The following TP73 variants were observed in gnomAD, a reference collection of about 807,000 sequenced individuals.
TP73 encodes tumor protein p73, also known as p53-like transcription factor.
A neutral mutation model predicts 62.5 loss-of-function variants in TP73; 25 were observed. The observed-to-expected ratio is 0.40, with a 90% confidence interval of 0.29 to 0.56. TP73 has a LOEUF of 0.56. TP73 is among the 20% of genes least tolerant of loss of function. TP73 has a pLI of 0.46. For synonymous variants in TP73, 423 were observed against 377.5 expected (o/e 1.12, Z -1.40); for missense variants, 754 against 913.3 (o/e 0.83, Z 2.25).
At chr1:3,702,712 C>T (rs543038995) in intron 3 of TP73, among the ~76,000 whole-genome samples, 5 of 152,344 alleles carry the variant, frequency 3.3e-5, no homozygotes, top group South Asian at 4.1e-4. Flanking sequence ...CTGGCTCCCG[C>T]GCACTCCTTG....
chr1:3,674,267 C>T (rs559739085), intron 1 of TP73, among the ~76,000 whole-genome samples: 1 of 152,340 alleles, frequency 6.6e-6, no homozygotes, highest in East Asian at 1.9e-4. Context: ...GGGCATCTGC[C>T]TCCCCTCCCC....
chr1:3,715,793 C>T (rs1301402634), intron 4 of TP73, among the ~76,000 whole-genome samples: 1 of 152,104 alleles, frequency 6.6e-6, no homozygotes, highest in African/African-American at 2.4e-5. Flanking sequence ...ACCCCTGGGC[C>T]TTCACTATGC....
Position 3,701,282 on chromosome 1 carries a change from C to G in TP73, c.187-6267C>G, listed in dbSNP as rs549590062. On this transcript the variant is annotated intron_variant, in intron 3 of 13. Coordinates refer to ENST00000378295, the MANE Select transcript of TP73 (RefSeq NM_005427.4). This position sits in a 1 kb window ranked among gnomAD's most constrained non-coding sequence, Gnocchi z 4.7. The stretch of plus-strand genomic sequence containing the variant: ...AGCGACTGTCCTCTGCGTAGTGAAT[C>G]TGGATTCCCGTCCCTGTTCCTCGGC... 2.0e-5 allele frequency among the ~76,000 whole-genome samples: 3 copies of G among 152,094 alleles called. No homozygotes were observed. Among genetic ancestry groups the G allele is most frequent in the Admixed American group, 6.5e-5 (1 of 15,282 alleles).
chr1:3,713,835 G>A (rs1044396279), intron 4 of TP73, among the ~76,000 whole-genome samples: 2 of 152,210 alleles, frequency 1.3e-5, no homozygotes, highest in Non-Finnish European at 2.9e-5. Context: ...TCCACAGCCA[G>A]GGGTTACGAT....
At chr1:3,664,167 C>T (rs374168142) in intron 1 of TP73, among the ~76,000 whole-genome samples, 6 of 152,244 alleles carry the variant, frequency 3.9e-5, no homozygotes, top group Admixed American at 6.5e-5. Flanking sequence ...CCCTGGGCAT[C>T]GCGACTCCTA....
At chr1:3,707,895 C>A in intron 4 of TP73, 104 bp downstream of exon 4, 2 of 1,479,294 alleles carry the variant, frequency 1.4e-6, no homozygotes, top group South Asian at 1.3e-5. Context: ...GCCCCACTGT[C>A]TGCTCGGGGT....
intron 4 of TP73, among the ~76,000 whole-genome samples, chr1:3,719,407 T>C (rs1316445467): frequency 6.6e-6 from 1 of 152,168 alleles, no homozygotes; most frequent in African/African-American, 2.4e-5. Context: ...TGTGTTCCTC[T>C]CCCCTGCTCG....
Position 3,733,452 on chromosome 1 carries a change from G to A in TP73, c.*373G>A, listed in dbSNP as rs376635414. On this transcript the variant is annotated 3_prime_UTR_variant, in exon 14 of 14. Transcript: ENST00000378295. ...AGAGACTGTCATCTCCCAACCAGGCGAGGTCCTTCCAAAGGAAAGGATCCT... is the reference window on the plus strand; with the variant it reads ...AGAGACTGTCATCTCCCAACCAGGCAAGGTCCTTCCAAAGGAAAGGATCCT... 8.7e-4 allele frequency: 267 copies of A among 308,224 alleles called. 7 individuals carry two copies. The South Asian group carries it at 0.016, about 19-fold the overall frequency. 19.1% of individuals were successfully genotyped at this position (308,224 alleles called of 1,614,324 possible). A position where few individuals can be genotyped will look rare whatever the true frequency, so the allele number is the denominator to read the frequency against.
chr1:3,710,063 TGGGCTGGTCTGCTCAGACCAGGCATCCC>T (rs1447729865), intron 4 of TP73, among the ~76,000 whole-genome samples: 1 of 151,934 alleles, frequency 6.6e-6, no homozygotes, highest in Non-Finnish European at 1.5e-5. Flanking sequence ...CCCTGTGGGA[TGGGCTGGTCTGCTCAGACCAGGCATCCC>T]GGGCTGGTCA....
intron 4 of TP73, among the ~76,000 whole-genome samples, chr1:3,710,997 G>A (rs1363876430): frequency 6.6e-6 from 1 of 152,194 alleles, no homozygotes; most frequent in Non-Finnish European, 1.5e-5. Flanking sequence ...CCAGTGACAG[G>A]GCAAGGCCGG....
chr1:3,677,949 C>T (rs1443319972), intron 1 of TP73, among the ~76,000 whole-genome samples: 1 of 152,168 alleles, frequency 6.6e-6, no homozygotes, highest in African/African-American at 2.4e-5. Context: ...AAGTAATCCT[C>T]CCTCCTTGGC....
At chr1:3,683,430 T>A (rs188109681) in intron 3 of TP73, among the ~76,000 whole-genome samples, 6 of 152,060 alleles carry the variant, frequency 3.9e-5, no homozygotes, top group African/African-American at 1.4e-4. Flanking sequence ...CATGGCTAGA[T>A]CCAGGTGTAG....
chr1:3,683,095 C>T lies in TP73; in HGVS notation c.101C>T (p.Ser34Leu). The T allele has an allele frequency of 1.2e-6, 2 of 1,611,850 alleles. No individual in the cohort carries two copies. Among genetic ancestry groups the T allele is most frequent in the Non-Finnish European group, 1.7e-6 (2 of 1,178,382 alleles). Residue 34 changes from serine to leucine, a missense_variant, in exon 3 of 14, where the codon TCA becomes TTA. Around this residue, in one of 3 missense-constraint regions of TP73, gnomAD observed 235 missense variants for 251.4 expected, o/e 0.93. Coordinates refer to ENST00000378295, the MANE Select transcript of TP73 (RefSeq NM_005427.4). ...PDSTYFDLPQ[S>L]SRGNNEVVGG... ...AGCACCTACTTCGACCTTCCCCAGT[C>T]AAGCCGGGGGAATAATGAGGTGGTG...
In TP73 at chr1:3,731,363, G is replaced by A. The variant is rs1036083837; in HGVS notation, c.1485-100G>A. 85 of 1,229,514 alleles carry A rather than the reference G, an allele frequency of 6.9e-5. No individual in the cohort carries two copies. In the Admixed American group the frequency reaches 7.7e-4, roughly 11 times the overall value. 76.2% of individuals were successfully genotyped at this position (1,229,514 alleles called of 1,614,324 possible). A position where few individuals can be genotyped will look rare whatever the true frequency, so the allele number is the denominator to read the frequency against. On this transcript the variant is annotated intron_variant, in intron 12 of 13. Transcript: ENST00000378295. The stretch of plus-strand genomic sequence containing the variant: ...GCTGGAGCCACCCTTCGGAGACAGC[G>A]GCAGTCTCCGCCCCAGCCAGGCCAC...
chr1:3,729,489 A>G lies in TP73; in HGVS notation c.1196+41A>G, dbSNP rs780711748. 28 of 1,611,092 alleles carry G rather than the reference A, an allele frequency of 1.7e-5. No homozygotes were observed. The Admixed American group carries it at 4.3e-4, about 25-fold the overall frequency. On this transcript the variant is annotated intron_variant, in intron 10 of 13. Coordinates refer to ENST00000378295, the MANE Select transcript of TP73 (RefSeq NM_005427.4). ...CCCACCATCAGTGTGGGGAAGGAGG[A>G]CATGGCTTAACCCCCCAGGAGAAGG...
rs369031901 is a variant in TP73 at position 3,727,977 on chromosome 1, G to A, written c.986-152G>A. 44 of 1,128,606 alleles carry A rather than the reference G, an allele frequency of 3.9e-5. No individual in the cohort carries two copies. The South Asian group carries it at 5.3e-4, about 14-fold the overall frequency. 69.9% of individuals were successfully genotyped at this position (1,128,606 alleles called of 1,614,324 possible). The stretch of plus-strand genomic sequence containing the variant: ...GCACCTCAGAGGCCTGGGTGGCACC[G>A]CAGGTTTGCCCGTCCCTGTGGGTTG... On this transcript the variant is annotated intron_variant, in intron 8 of 13. Coordinates refer to ENST00000378295, the MANE Select transcript of TP73 (RefSeq NM_005427.4).
chr1:3,674,694 CT>C (rs1180754301), intron 1 of TP73, among the ~76,000 whole-genome samples: 1 of 152,226 alleles, frequency 6.6e-6, no homozygotes, highest in Non-Finnish European at 1.5e-5. Flanking sequence ...CGGGGGACCC[CT>C]GTCCTTGGCC....
rs145238802 is a variant in TP73, at chr1:3,722,161, C to T, written c.570C>T (p.Val190=). The T allele has an allele frequency of 4.3e-5, 69 of 1,612,610 alleles. No individual in the cohort carries two copies. Among genetic ancestry groups the T allele is most frequent in the African/African-American group, 4.1e-4 (31 of 74,944 alleles). The change falls in exon 5 of 14, where the codon GTC becomes GTT. Residue 190 remains valine (V), a synonymous_variant. Coordinates refer to ENST00000378295, the MANE Select transcript of TP73 (RefSeq NM_005427.4). ...VYKKAEHVTD[V]VKRCPNHELG... is the part of the protein sequence containing the mutation. ...AGAAAGCGGAGCACGTGACCGACGT[C>T]GTGAAACGCTGCCCCAACCACGAGC...
intron 9 of TP73, among the ~76,000 whole-genome samples, chr1:3,728,564 A>T (rs1392707377): frequency 1.3e-5 from 2 of 152,246 alleles, no homozygotes; most frequent in Non-Finnish European, 2.9e-5. Context: ...ACCCGTGGCC[A>T]CGGCCAGCCC....
Sources: allele counts gnomAD v4.1 joint callset (sites outside exome capture counted in the v4.1 genomes callset), GRCh38; gene constraint gnomAD v4.1.1; regional missense constraint gnomAD v4.1.1; non-coding constraint Gnocchi (gnomAD v3.1); transcripts MANE v1.5; gene names NCBI Gene and HGNC (gene_info 2026-07-23, HGNC 2026-07-21).